The following PACSIN2 variants were observed in gnomAD, a reference collection of about 807,000 sequenced individuals.
The protein encoded by PACSIN2 is protein kinase C and casein kinase substrate in neurons 2.
In PACSIN2, 25 loss-of-function variants were observed where a neutral mutation model predicts 63.8. The observed-to-expected ratio is 0.39, with a 90% CI of 0.29 to 0.55. The LOEUF is 0.55. PACSIN2 is among the 20% of genes least tolerant of loss of function. The probability of loss-of-function intolerance (pLI) is 0.62; values close to 1 mark genes in which losing one functional copy is unlikely to be tolerated. For missense variants in PACSIN2, 518 were observed against 646.9 expected (o/e 0.80, Z 2.16); for synonymous variants, 255 against 256.2 (o/e 1.00, Z 0.05).
At chr22:42,985,220 T>A (rs759394281) in intron 1 of PACSIN2, among the ~76,000 whole-genome samples, 24 of 152,164 alleles carry the variant, frequency 1.6e-4, no homozygotes, top group Non-Finnish European at 3.1e-4. Context: ...CCCAGCTACT[T>A]GGGGGCTGAG....
At chr22:42,909,865 G>T (rs1356045989) in intron 2 of PACSIN2, among the ~76,000 whole-genome samples, 1 of 152,178 alleles carries the variant, frequency 6.6e-6, no homozygotes, top group Non-Finnish European at 1.5e-5. Context: ...TGAAGACAAT[G>T]TCGCCAAGGG....
Position 42,889,868 on chromosome 22 carries a change from TG to T in PACSIN2, c.454-1071del, listed in dbSNP as rs577713177. 1.2e-3 allele frequency among the ~76,000 whole-genome samples: 175 copies of T among 151,790 alleles called. 1 individual carries two copies. The highest frequency in any genetic ancestry group is 3.8e-3 in the African/African-American group (159 of 41,324). ...TTTGAAATTTTGGGATAAAAACCTA[TG>T]CAAGAGAAAGAAAAATGTAAACTAG... On this transcript the variant is annotated intron_variant, in intron 4 of 10. Transcript: ENST00000263246.
chr22:42,930,216 T>C (rs1394760978), intron 1 of PACSIN2, among the ~76,000 whole-genome samples: 1 of 152,220 alleles, frequency 6.6e-6, no homozygotes, highest in Non-Finnish European at 1.5e-5. Flanking sequence ...ACTCTGCAGA[T>C]GAGAGGAATA....
chr22:42,940,630 T>G (rs182147937), intron 1 of PACSIN2, among the ~76,000 whole-genome samples: 1 of 152,098 alleles, frequency 6.6e-6, no homozygotes, highest in Non-Finnish European at 1.5e-5. Flanking sequence ...AGGTCCTGGG[T>G]TTCCCTATAC....
At chr22:42,886,610 C>T (rs1929506418) in intron 5 of PACSIN2, among the ~76,000 whole-genome samples, 1 of 152,154 alleles carries the variant, frequency 6.6e-6, no homozygotes. Flanking sequence ...GGACTACAGG[C>T]ACGTGCTACC....
At chr22:42,908,789 T>C (rs1931254182) in intron 2 of PACSIN2, among the ~76,000 whole-genome samples, 1 of 152,136 alleles carries the variant, frequency 6.6e-6, no homozygotes. Flanking sequence ...CAACCTGGAA[T>C]GCCATCCCTT....
At chr22:42,960,838 A>G (rs1208637699) in intron 1 of PACSIN2, among the ~76,000 whole-genome samples, 1 of 152,232 alleles carries the variant, frequency 6.6e-6, no homozygotes, top group African/African-American at 2.4e-5. Context: ...CACTTTAGGT[A>G]TGCATATTAT....
At chr22:42,987,115 G>A (rs1922672808) in intron 1 of PACSIN2, among the ~76,000 whole-genome samples, 1 of 152,084 alleles carries the variant, frequency 6.6e-6, no homozygotes, top group Non-Finnish European at 1.5e-5. Context: ...TTGCTGGGGG[G>A]TGTGTCTGAA....
At chr22:42,955,790 G>GT (rs1380417334) in intron 1 of PACSIN2, among the ~76,000 whole-genome samples, 1 of 152,184 alleles carries the variant, frequency 6.6e-6, no homozygotes, top group Non-Finnish European at 1.5e-5. Flanking sequence ...TGGGAAAGTA[G>GT]TAACAAATGT....
chr22:42,972,101 T>C (rs1047804443), intron 1 of PACSIN2, among the ~76,000 whole-genome samples: 5 of 152,172 alleles, frequency 3.3e-5, no homozygotes, highest in African/African-American at 9.7e-5. Context: ...AGAAGTCGGA[T>C]TGTTACTGTG....
chr22:42,972,664 A>T (rs1271755665), intron 1 of PACSIN2, among the ~76,000 whole-genome samples: 1 of 152,178 alleles, frequency 6.6e-6, no homozygotes, highest in East Asian at 1.9e-4. Flanking sequence ...GGAGAATTCC[A>T]CCTCTGGGCT....
intron 1 of PACSIN2, among the ~76,000 whole-genome samples, chr22:42,952,664 T>C (rs1335730738): frequency 6.8e-6 from 1 of 146,266 alleles, no homozygotes. Flanking sequence ...GGCCTATTTA[T>C]TTATTTTTTT....
chr22:43,002,685 T>C (rs1246272720), intron 1 of PACSIN2, among the ~76,000 whole-genome samples: 1 of 152,144 alleles, frequency 6.6e-6, no homozygotes, highest in Non-Finnish European at 1.5e-5. Context: ...ACAAGATTTC[T>C]ATTCTCGGGA....
chr22:42,998,738 C>T (rs557205297), intron 1 of PACSIN2, among the ~76,000 whole-genome samples: 10 of 152,174 alleles, frequency 6.6e-5, no homozygotes, highest in Non-Finnish European at 1.5e-4. Context: ...TAAATGAGAA[C>T]AAGCATTCCT....
chr22:42,964,812 C>T (rs1920939615), intron 1 of PACSIN2, among the ~76,000 whole-genome samples: 1 of 152,078 alleles, frequency 6.6e-6, no homozygotes, highest in African/African-American at 2.4e-5. Flanking sequence ...GAAAGGCAAA[C>T]ACCGAGATCC....
At chr22:42,956,946 C>T (rs928909553) in intron 1 of PACSIN2, among the ~76,000 whole-genome samples, 1 of 152,084 alleles carries the variant, frequency 6.6e-6, no homozygotes, top group Admixed American at 6.5e-5. Context: ...CAATTATACA[C>T]TAAGAAAAGG....
intron 1 of PACSIN2, among the ~76,000 whole-genome samples, chr22:43,012,465 T>G (rs979545845): frequency 1.3e-5 from 2 of 152,156 alleles, no homozygotes; most frequent in African/African-American, 4.8e-5. Context: ...GAATTTTTTT[T>G]AAATATATGC....
rs1472138123 is a variant in PACSIN2 at position 42,871,117 on chromosome 22, C to T, written c.*240G>A. ...ATGATAGGCCAACAGGCACAGTGGG[C>T]GGGGAGGGGCGGCTATTTCTGTTGT... On this transcript the variant is annotated 3_prime_UTR_variant, in exon 11 of 11. Coordinates refer to ENST00000263246, the MANE Select transcript of PACSIN2 (RefSeq NM_001184970.3). The surrounding 1 kb of genome is among the most constrained non-coding windows in gnomAD (Gnocchi z 5.4). 5.9e-5 allele frequency: 33 copies of T among 555,222 alleles called. No individual in the cohort carries two copies. The East Asian group carries it at 9.4e-4, about 16-fold the overall frequency. The allele number at this position is 555,222 out of a possible 1,614,324, so 34.4% of individuals were successfully genotyped here. A position where few individuals can be genotyped will look rare whatever the true frequency, so the allele number is the denominator to read the frequency against.
At chr22:42,944,727 G>A (rs1933333080) in intron 1 of PACSIN2, among the ~76,000 whole-genome samples, 2 of 152,358 alleles carry the variant, frequency 1.3e-5, no homozygotes, top group South Asian at 2.1e-4. Context: ...TAGCAGGTGA[G>A]CTATTTTCCA....
Sources: allele counts gnomAD v4.1 joint callset (sites outside exome capture counted in the v4.1 genomes callset), GRCh38; gene constraint gnomAD v4.1.1; non-coding constraint Gnocchi (gnomAD v3.1); transcripts MANE v1.5; gene names NCBI Gene and HGNC (gene_info 2026-07-23, HGNC 2026-07-21).